EXD3: variants seen among roughly 807,000 people sequenced by gnomAD.
EXD3 encodes the protein exonuclease mut-7 homolog.
Under a neutral mutation model 98.0 loss-of-function variants are expected in EXD3, and 92 were observed. The observed-to-expected ratio is 0.94, with a 90% confidence interval of 0.79 to 1.12. EXD3 has a LOEUF of 1.12. Ranked by LOEUF, EXD3 falls within the 50% of genes most tolerant of loss-of-function variation. EXD3 has a pLI of 0.00. For missense variants in EXD3, 1,222 were observed against 1,191.6 expected (o/e 1.03, Z -0.38); for synonymous variants, 569 against 526.0 (o/e 1.08, Z -1.12).
Position 137,356,441 on chromosome 9 carries a change from T to C in EXD3, c.657-73A>G, listed in dbSNP as rs367870987. ...CATTTTAAGATTTTCATTTTCATCA[T>C]AGTCATATGCATGCATAGTTTAAAC... is the stretch of plus-strand genomic sequence containing the variant. On this transcript the variant is annotated intron_variant, in intron 7 of 21. Transcript: ENST00000340951. The C allele has an allele frequency of 8.9e-6, 9 of 1,012,426 alleles. No homozygotes were observed. The African/African-American group carries it at 1.3e-4, about 14-fold the overall frequency. 62.7% of individuals were successfully genotyped at this position (1,012,426 alleles called of 1,614,324 possible).
At chr9:137,320,635 C>T (rs113644761) in intron 19 of EXD3, among the ~76,000 whole-genome samples, 3,035 of 152,226 alleles carry the variant, frequency 0.02, 100 homozygotes, top group East Asian at 0.16. Context: ...GCCCCCGACG[C>T]CCCCATCCCA....
At chr9:137,316,452 G>T (rs1479066444) in intron 19 of EXD3, among the ~76,000 whole-genome samples, 1 of 152,052 alleles carries the variant, frequency 6.6e-6, no homozygotes, top group African/African-American at 2.4e-5. Context: ...GGTAGCCCGC[G>T]CGCCCCGGGC....
intron 1 of EXD3, among the ~76,000 whole-genome samples, chr9:137,410,488 A>G (rs2131822166): frequency 6.6e-6 from 1 of 151,286 alleles, no homozygotes; most frequent in African/African-American, 2.4e-5. Context: ...CTGTCTCAAA[A>G]AAAAAAAAAA....
chr9:137,321,909 C>T (rs137858539), intron 19 of EXD3, among the ~76,000 whole-genome samples: 2 of 152,144 alleles, frequency 1.3e-5, no homozygotes, highest in East Asian at 1.9e-4. Flanking sequence ...AGCATCAACT[C>T]CCCCCAGACT....
At chr9:137,337,141 C>T (rs941517895) in intron 17 of EXD3, among the ~76,000 whole-genome samples, 1 of 152,128 alleles carries the variant, frequency 6.6e-6, no homozygotes, top group Non-Finnish European at 1.5e-5. Context: ...AAGAGCATTA[C>T]TGGAGTCAAA....
chr9:137,331,788 C>T (rs375458084), intron 17 of EXD3, among the ~76,000 whole-genome samples: 11 of 152,146 alleles, frequency 7.2e-5, no homozygotes, highest in South Asian at 2.1e-4. Flanking sequence ...TGGTGGTGCA[C>T]GCCTGTAGTC....
intron 3 of EXD3, among the ~76,000 whole-genome samples, chr9:137,380,807 C>T (rs1419594417): frequency 1.3e-5 from 2 of 148,446 alleles, no homozygotes; most frequent in Non-Finnish European, 3.0e-5. Context: ...CCAGAAGGCC[C>T]CCCCGAGGGG....
intron 17 of EXD3, among the ~76,000 whole-genome samples, chr9:137,330,623 A>ACTACACAGGAGCTACACAGG (rs1564482457): frequency 9.0e-6 from 1 of 110,670 alleles, no homozygotes; most frequent in Non-Finnish European, 1.8e-5. Context: ...ACTACACAGG[A>ACTACACAGGAGCTACACAGG]ACTACACAGG....
Position 137,324,190 on chromosome 9 carries a change from C to T in EXD3, c.1999-47G>A, listed in dbSNP as rs373356800. The T allele has an allele frequency of 7.6e-5, 115 of 1,516,232 alleles. No homozygotes were observed. The African/African-American group carries it at 1.2e-3, about 16-fold the overall frequency. 93.9% of individuals were successfully genotyped at this position (1,516,232 alleles called of 1,614,324 possible). ...CACATAAAGGGGGCAGCTCCGTGCTCCTGGACTGGGCCACCTCTGCTCGCC... is the reference window on the plus strand; with the variant it reads ...CACATAAAGGGGGCAGCTCCGTGCTTCTGGACTGGGCCACCTCTGCTCGCC... On this transcript the variant is annotated intron_variant, in intron 17 of 21. Coordinates refer to ENST00000340951, the MANE Select transcript of EXD3 (RefSeq NM_017820.5). This position sits in a 1 kb window ranked among gnomAD's most constrained non-coding sequence, Gnocchi z 4.1.
chr9:137,383,496 G>T, intron 2 of EXD3, 119 bp from the exon 3 acceptor site: 1 of 713,644 alleles, frequency 1.4e-6, no homozygotes, highest in Non-Finnish European at 2.3e-6. Context: ...GACCCGGGGG[G>T]CCGGGAACCC....
At chr9:137,389,274 G>C (rs1014981259) in intron 2 of EXD3, among the ~76,000 whole-genome samples, 1 of 152,146 alleles carries the variant, frequency 6.6e-6, no homozygotes, top group Non-Finnish European at 1.5e-5. Context: ...TCGCCGCAGA[G>C]GACCGCCCGT....
rs1218840819 is a variant in EXD3, at chr9:137,360,850, C to A, written c.657-4482G>T. Among the ~76,000 whole-genome samples the A allele has an allele frequency of 2.3e-5, 2 of 86,644 alleles. 1 individual carries two copies. The highest frequency in any genetic ancestry group is 5.7e-5 in the Non-Finnish European group (2 of 35,228). 56.8% of individuals were successfully genotyped at this position (86,644 alleles called of 152,430 possible). A position where few individuals can be genotyped will look rare whatever the true frequency, so the allele number is the denominator to read the frequency against. On this transcript the variant is annotated intron_variant, in intron 7 of 21. Coordinates refer to ENST00000340951, the MANE Select transcript of EXD3 (RefSeq NM_017820.5). Reference sequence around the variant, plus strand: ...TGGCTTTTATAAACTTACCTTGTAACCAGTGATCTTGCTAAATTTACTTAT... The same window carrying A: ...TGGCTTTTATAAACTTACCTTGTAAACAGTGATCTTGCTAAATTTACTTAT...
At chr9:137,331,824 G>C (rs191726176) in intron 17 of EXD3, among the ~76,000 whole-genome samples, 10 of 152,284 alleles carry the variant, frequency 6.6e-5, no homozygotes, top group African/African-American at 2.4e-4. Flanking sequence ...GCTGAGGCAG[G>C]AGAATTGCTT....
intron 7 of EXD3, 147 bp downstream of exon 7, chr9:137,366,346 T>C: frequency 1.7e-6 from 2 of 1,165,164 alleles, no homozygotes; most frequent in Non-Finnish European, 2.5e-6. Flanking sequence ...CTGCTCCAGC[T>C]GCAGTCACAT....
At chr9:137,322,734 C>T (rs1269733855) in intron 19 of EXD3, among the ~76,000 whole-genome samples, 53 of 98,008 alleles carry the variant, frequency 5.4e-4, no homozygotes, top group African/African-American at 2.4e-3. Context: ...CCCAGACCCA[C>T]GAGGGATGCT....
At chr9:137,363,228 TC>T (rs1345368735) in intron 7 of EXD3, among the ~76,000 whole-genome samples, 1 of 152,062 alleles carries the variant, frequency 6.6e-6, no homozygotes, top group African/African-American at 2.4e-5. Flanking sequence ...CCTCCTAATG[TC>T]CTTTTTGAGT....
chr9:137,377,732 G>A lies in EXD3; in HGVS notation c.121-4133C>T, dbSNP rs151287554. Among the ~76,000 whole-genome samples the A allele has an allele frequency of 2.1e-3, 315 of 151,868 alleles. 2 individuals are homozygous for A. Among genetic ancestry groups the A allele is most frequent in the African/African-American group, 7.3e-3 (302 of 41,382 alleles). On this transcript the variant is annotated intron_variant, in intron 3 of 21. Transcript: ENST00000340951. Reference sequence around the variant, plus strand: ...AACCAGGCTCTGTCAAAAAAGAAAGGAAGGGAGGGAGGGAGGAAACCTAAG... The same window carrying A: ...AACCAGGCTCTGTCAAAAAAGAAAGAAAGGGAGGGAGGGAGGAAACCTAAG...
intron 1 of EXD3, among the ~76,000 whole-genome samples, chr9:137,419,714 T>G (rs1005143827): frequency 6.6e-6 from 1 of 152,036 alleles, no homozygotes; most frequent in Non-Finnish European, 1.5e-5. Flanking sequence ...GTCCAAAATT[T>G]GCATTTTCTT....
chr9:137,316,720 C>T (rs1337183649), intron 19 of EXD3, among the ~76,000 whole-genome samples: 7 of 152,156 alleles, frequency 4.6e-5, no homozygotes, highest in African/African-American at 7.2e-5. Context: ...CAGAGTGGGG[C>T]GAGGGCCCCG....
Sources: allele counts gnomAD v4.1 joint callset (sites outside exome capture counted in the v4.1 genomes callset), GRCh38; gene constraint gnomAD v4.1.1; non-coding constraint Gnocchi (gnomAD v3.1); transcripts MANE v1.5; gene names NCBI Gene and HGNC (gene_info 2026-07-23, HGNC 2026-07-21).